Variants in LAMA2 observed in about 807,000 individuals in gnomAD.
LAMA2 encodes the protein laminin subunit alpha-2.
LAMA2 carries 269 observed loss-of-function variants against 364.8 expected under a neutral mutation model. The ratio of observed to expected loss-of-function variants is 0.74; its 90% confidence interval spans 0.67 to 0.82. The LOEUF is 0.82. Among genes scored for constraint, LAMA2 ranks in the 40% least tolerant of loss-of-function variants. The pLI, the probability that LAMA2 is intolerant of heterozygous loss-of-function variation, is 0.00. For synonymous variants in LAMA2, 1,379 were observed against 1,370.6 expected, an observed-to-expected ratio of 1.01 and a Z score of -0.14; for missense variants, 3,807 against 3,873.2, an observed-to-expected ratio of 0.98 and a Z score of 0.45.
intron 44 of LAMA2, among the ~76,000 whole-genome samples, chr6:129,445,256 A>T (rs1782308375): frequency 6.6e-6 from 1 of 152,174 alleles, no homozygotes; most frequent in South Asian, 2.1e-4. Context: ...TTGTGTAAAA[A>T]CCCTGATTTA....
At chr6:128,938,235 T>C (rs1301801162) in intron 1 of LAMA2, among the ~76,000 whole-genome samples, 2 of 152,146 alleles carry the variant, frequency 1.3e-5, no homozygotes, top group Admixed American at 1.3e-4. Flanking sequence ...ATATTAATAA[T>C]AATAATGAGA....
intron 1 of LAMA2, among the ~76,000 whole-genome samples, chr6:128,956,755 T>C (rs990257146): frequency 6.6e-6 from 1 of 152,104 alleles, no homozygotes; most frequent in African/African-American, 2.4e-5. Flanking sequence ...TGTTATGTCA[T>C]ACAAATTCAT....
intron 39 of LAMA2, 145 bp downstream of exon 39, chr6:129,402,632 C>A (rs1327067048): frequency 1.2e-6 from 1 of 831,852 alleles, no homozygotes. Context: ...TGTGGATAGG[C>A]TTAATTAGGA....
intron 1 of LAMA2, among the ~76,000 whole-genome samples, chr6:129,038,802 C>T (rs1786867741): frequency 6.6e-6 from 1 of 152,140 alleles, no homozygotes; most frequent in Non-Finnish European, 1.5e-5. Flanking sequence ...CAATAGTAGA[C>T]ACAATGCCAA....
intron 14 of LAMA2, among the ~76,000 whole-genome samples, chr6:129,255,188 A>G (rs895244081): frequency 2.0e-5 from 3 of 151,956 alleles, no homozygotes; most frequent in African/African-American, 7.3e-5. Flanking sequence ...CAGGCAGATC[A>G]CGAGGTCAGT....
At chr6:129,133,656 C>T (rs1051261375) in intron 4 of LAMA2, among the ~76,000 whole-genome samples, 3 of 152,162 alleles carry the variant, frequency 2.0e-5, no homozygotes, top group Admixed American at 1.3e-4. Flanking sequence ...TGTGTCTCTG[C>T]TTAAACTCCT....
chr6:129,265,629 T>C (rs1787450354), intron 15 of LAMA2, among the ~76,000 whole-genome samples: 1 of 151,554 alleles, frequency 6.6e-6, no homozygotes, highest in African/African-American at 2.4e-5. Flanking sequence ...AGGATAGAAA[T>C]TTGACAATTT....
At chr6:128,889,171 A>G (rs1376064335) in intron 1 of LAMA2, among the ~76,000 whole-genome samples, 1 of 152,206 alleles carries the variant, frequency 6.6e-6, no homozygotes, top group African/African-American at 2.4e-5. Context: ...TTTAAGGGTA[A>G]TTTTAAATAG....
At chr6:129,050,966 T>G (rs1186293555) in intron 2 of LAMA2, among the ~76,000 whole-genome samples, 1 of 152,224 alleles carries the variant, frequency 6.6e-6, no homozygotes, top group Non-Finnish European at 1.5e-5. Flanking sequence ...TGGAGCATAA[T>G]GTTAAATTAC....
At chr6:129,355,317 T>C (rs1777091800) in intron 32 of LAMA2, among the ~76,000 whole-genome samples, 1 of 152,188 alleles carries the variant, frequency 6.6e-6, no homozygotes, top group African/African-American at 2.4e-5. Flanking sequence ...TTTCATCTTT[T>C]CTCTTCTTCT....
intron 1 of LAMA2, among the ~76,000 whole-genome samples, chr6:128,980,951 A>G (rs1016956380): frequency 2.6e-5 from 4 of 152,200 alleles, no homozygotes; most frequent in African/African-American, 7.2e-5. Flanking sequence ...GTAAGATAGT[A>G]TTTAGAAAGT....
At position 129,316,147 on chromosome 6, in the gene LAMA2, A is replaced by G. The variant is rs760208542; in HGVS notation, c.4034A>G (p.Tyr1345Cys). Reference protein sequence around the residue: ...DIHYILIKATYGNFMRQSRIS... With the variant: ...DIHYILIKATCGNFMRQSRIS... ...CATTACATTCTTATCAAAGCTACTT[A>G]TGGAAATTTCATGCGACAAAGCAGG... Residue 1345 changes from tyrosine (Y) to cysteine (C), a missense_variant, in exon 27 of 65, where the codon TAT (tyrosine) becomes TGT (cysteine). By Grantham distance (194) the Tyr-to-Cys change is radical. Around this residue, in one of 3 missense-constraint regions of LAMA2, gnomAD observed 3,333 missense variants for 3,345.7 expected, o/e 1.00. Coordinates refer to ENST00000421865, the MANE Select transcript of LAMA2 (RefSeq NM_000426.4). 16 of 1,608,264 alleles carry G rather than the reference A, an allele frequency of 9.9e-6. No individual in the cohort carries two copies. Among genetic ancestry groups the G allele is most frequent in the Non-Finnish European group, 1.3e-5 (15 of 1,175,706 alleles).
At chr6:128,977,951 G>C (rs2114631747) in intron 1 of LAMA2, among the ~76,000 whole-genome samples, 1 of 152,236 alleles carries the variant, frequency 6.6e-6, no homozygotes, top group South Asian at 2.1e-4. Context: ...ATACATTCTA[G>C]CTAAGTACTT....
chr6:129,255,923 C>T (rs888005738), intron 14 of LAMA2, among the ~76,000 whole-genome samples: 1 of 152,160 alleles, frequency 6.6e-6, no homozygotes, highest in Non-Finnish European at 1.5e-5. Flanking sequence ...GTGCAGCCAA[C>T]ATTTTACCCT....
At chr6:129,228,039 CT>C (rs1239906175) in intron 12 of LAMA2, among the ~76,000 whole-genome samples, 3 of 152,174 alleles carry the variant, frequency 2.0e-5, no homozygotes, top group Non-Finnish European at 2.9e-5. Context: ...GCGGGCGCCC[CT>C]CTCCCAACCT....
At chr6:129,200,149 CACGT>C (rs1177778223) in intron 12 of LAMA2, among the ~76,000 whole-genome samples, 1 of 86,842 alleles carries the variant, frequency 1.2e-5, no homozygotes, top group South Asian at 4.0e-4. Context: ...TACACATATA[CACGT>C]GTATATATAT....
intron 4 of LAMA2, among the ~76,000 whole-genome samples, chr6:129,136,513 A>T (rs1463606308): frequency 6.6e-6 from 1 of 151,978 alleles, no homozygotes; most frequent in Non-Finnish European, 1.5e-5. Flanking sequence ...TGAGAGAGAG[A>T]CAGAGAGAGA....
intron 1 of LAMA2, among the ~76,000 whole-genome samples, chr6:129,037,755 C>T (rs746777267): frequency 3.3e-4 from 50 of 151,464 alleles, no homozygotes; most frequent in African/African-American, 6.1e-4. Context: ...CTGCAAGCTC[C>T]GCCTCCCAGG....
chr6:129,279,059 A>T (rs902318695), intron 17 of LAMA2, among the ~76,000 whole-genome samples: 1 of 152,196 alleles, frequency 6.6e-6, no homozygotes, highest in African/African-American at 2.4e-5. Flanking sequence ...CCATCAAGCA[A>T]GTCTCTATTG....
Sources: gnomAD v4.1 joint callset for allele counts (sites outside exome capture counted in the v4.1 genomes callset) on GRCh38, gnomAD v4.1.1 for gene constraint, gnomAD v4.1.1 regional missense constraint, MANE v1.5 for transcripts, NCBI Gene and HGNC (gene_info 2026-07-23, HGNC 2026-07-21) for gene names.